The following TGM5 variants were observed in gnomAD, a reference collection of about 807,000 sequenced individuals.
The protein encoded by TGM5 is transglutaminase 5.
TGM5 carries 69 observed loss-of-function variants against 77.2 expected under a neutral mutation model. The ratio of observed to expected loss-of-function variants is 0.89; its 90% confidence interval spans 0.74 to 1.09. The LOEUF (loss-of-function observed/expected upper bound fraction) is 1.09, where lower values mean the gene tolerates loss of function less well. Among genes scored for constraint, TGM5 ranks in the 50% least tolerant of loss-of-function variants. The pLI, the probability that TGM5 is intolerant of heterozygous loss-of-function variation, is 0.00. For missense variants in TGM5, 842 were observed against 896.5 expected, an observed-to-expected ratio of 0.94 and a Z score of 0.78; for synonymous variants, 346 against 351.8, an observed-to-expected ratio of 0.98 and a Z score of 0.18.
In TGM5 at chr15:43,252,960, G is replaced by GCCA. The variant is rs750417036; in HGVS notation, c.685-25_685-24insTGG. 1.6e-5 allele frequency: 26 copies of GCCA among 1,610,552 alleles called. No homozygotes were observed. In the South Asian group the frequency reaches 2.4e-4, roughly 15 times the overall value. On this transcript the variant is annotated intron_variant, in intron 5 of 12. Transcript: ENST00000220420. ...ATCTGAAGAGAAGCCATATAGAGAA[G>GCCA]TGTTAGAAACATCCATTTCCTCAAC...
Position 43,235,581 on chromosome 15 carries a change from GGAGGACATGTT to G in TGM5, c.1591_1601del (p.Asn531ProfsTer36), listed in dbSNP as rs1196333274. The G allele has an allele frequency of 6.2e-7, 1 of 1,614,212 alleles. No homozygotes were observed. Among genetic ancestry groups the G allele is most frequent in the Non-Finnish European group, 8.5e-7 (1 of 1,180,050 alleles). On this transcript the variant is annotated frameshift_variant, in exon 10 of 13. Transcript: ENST00000220420. LOFTEE classifies it high-confidence loss of function. ...GGTTCACTTTGAGGTCCTTGAACTG[GGAGGACATGTT>G]GAGGGCCAGCAGGACAAAGCATATA...
At chr15:43,246,067 G>A (rs1044747640) in intron 6 of TGM5, among the ~76,000 whole-genome samples, 1 of 152,082 alleles carries the variant, frequency 6.6e-6, no homozygotes, top group African/African-American at 2.4e-5. Context: ...AAGACCTCTA[G>A]TCAAAATGTT....
chr15:43,240,785 T>G, intron 7 of TGM5, 67 bp downstream of exon 7: 1 of 1,607,090 alleles, frequency 6.2e-7, no homozygotes, highest in Non-Finnish European at 8.5e-7. Flanking sequence ...CGTTCTGCCC[T>G]TCCTCCTGCC....
At position 43,253,665 on chromosome 15, in the gene TGM5, C is replaced by T. The variant is rs201555624; in HGVS notation, c.556-31G>A. ...GGGGGAGAGGCAGAGAGGGAAGGCACCCATGCTTGTCACGTGGGAGTATGT... is the reference window on the plus strand; with the variant it reads ...GGGGGAGAGGCAGAGAGGGAAGGCATCCATGCTTGTCACGTGGGAGTATGT... On this transcript the variant is annotated intron_variant, in intron 4 of 12. Coordinates refer to ENST00000220420, the MANE Select transcript of TGM5 (RefSeq NM_201631.4). 4.4e-6 allele frequency: 7 copies of T among 1,609,022 alleles called. No individual in the cohort carries two copies. The African/African-American group carries it at 6.7e-5, about 15-fold the overall frequency.
intron 6 of TGM5, chr15:43,241,374 C>A: frequency 3.0e-6 from 1 of 335,948 alleles, no homozygotes; most frequent in Non-Finnish European, 5.8e-6. Flanking sequence ...GCTGGAATTC[C>A]ATTCCTTTCT....
chr15:43,239,070 G>T lies in TGM5; in HGVS notation c.1106-14C>A, dbSNP rs998876494. ...AGCAGTAGACGCCTGAAGGAGAACA[G>T]GGGAGCCTCGGTGGGCTGTTTGTTG... On this transcript the variant is annotated splice_polypyrimidine_tract_variant and intron_variant, in intron 8 of 12. Transcript: ENST00000220420. 1 of 1,614,138 alleles carries T rather than the reference G, an allele frequency of 6.2e-7. No individual in the cohort carries two copies. Among genetic ancestry groups the T allele is most frequent in the Non-Finnish European group, 8.5e-7 (1 of 1,180,020 alleles).
intron 4 of TGM5, among the ~76,000 whole-genome samples, chr15:43,254,499 G>A (rs576218909): frequency 1.3e-5 from 2 of 152,274 alleles, no homozygotes; most frequent in South Asian, 4.1e-4. Context: ...AGGACAGTCT[G>A]ATCAGCTCAC....
At chr15:43,239,553 G>A in intron 7 of TGM5, 1 of 460,610 alleles carries the variant, frequency 2.2e-6, no homozygotes, top group Non-Finnish European at 4.0e-6. Flanking sequence ...CATGGCACAT[G>A]CCTATAGTCC....
rs934549646 is a variant in TGM5, at chr15:43,239,259, G to A, written c.1009C>T (p.His337Tyr). 16 of 1,614,152 alleles carry A rather than the reference G, an allele frequency of 9.9e-6. No individual in the cohort carries two copies. In the African/African-American group the frequency reaches 2.0e-4, roughly 20 times the overall value. Residue 337 changes from histidine to tyrosine, a missense_variant, in exon 8 of 13, where the codon CAT becomes TAT. Physicochemically the swap from His to Tyr is moderately conservative, Grantham distance 83. This residue lies in a region of TGM5 where 815 missense variants were observed against 844.6 expected (regional missense o/e 0.96). Coordinates refer to ENST00000220420, the MANE Select transcript of TGM5 (RefSeq NM_201631.4). The stretch of plus-strand genomic sequence containing the variant: ...GCCATCCAGCACTCATTCCAGACAT[G>A]GAAGTTCCTGTGTCAAACAGAGCCA... ...NKKKDTIWNF[H>Y]VWNECWMARK... is the part of the protein sequence containing the mutation.
chr15:43,250,520 G>A (rs1227546421), intron 6 of TGM5, among the ~76,000 whole-genome samples: 1 of 152,182 alleles, frequency 6.6e-6, no homozygotes, highest in South Asian at 2.1e-4. Context: ...ACAGTGCCTG[G>A]CACAAAGGAA....
chr15:43,238,905 G>T lies in TGM5; in HGVS notation c.1257C>A (p.Asp419Glu). The change falls in exon 9 of 13, where the codon GAC becomes GAA. Residue 419 changes from aspartate (D) to glutamate (E), a missense_variant. By Grantham distance (45) the Asp-to-Glu change is conservative (BLOSUM62 2). This residue lies in a region of TGM5 where 815 missense variants were observed against 844.6 expected (regional missense o/e 0.96). Transcript: ENST00000220420. ...TGATAAAATTGCCAACAGAACTCGT[G>T]TCCTGGTGAAGCTTCTGCTCCTTCC... Reference protein sequence around the residue: ...QGGKEQKLHQDTSSVGNFIST... With the variant: ...QGGKEQKLHQETSSVGNFIST... The T allele has an allele frequency of 1.9e-6, 3 of 1,614,194 alleles. No homozygotes were observed. Among genetic ancestry groups the T allele is most frequent in the Non-Finnish European group, 2.5e-6 (3 of 1,180,026 alleles).
rs1431614945 is a variant in TGM5 at position 43,233,107 on chromosome 15, G to T, written c.*84C>A. On this transcript the variant is annotated 3_prime_UTR_variant, in exon 13 of 13. Coordinates refer to ENST00000220420, the MANE Select transcript of TGM5 (RefSeq NM_201631.4). The stretch of plus-strand genomic sequence containing the variant: ...TGGAGCCCTGTGAAGCCTCTGTTGT[G>T]GTGGGGAATGGCGCAGCTTGCATTT... The T allele has an allele frequency of 1.4e-5, 22 of 1,545,278 alleles. No homozygotes were observed. In the East Asian group the frequency reaches 3.4e-4, roughly 24 times the overall value.
chr15:43,252,691 G>T (rs1596447876), intron 6 of TGM5, 68 bp downstream of exon 6: 2 of 1,573,910 alleles, frequency 1.3e-6, no homozygotes, highest in East Asian at 2.2e-5. Flanking sequence ...GGATGGGAAT[G>T]GTTCAGAAGG....
rs193151193 is a variant in TGM5, at chr15:43,264,149, A to G, written c.10+2691T>C. On this transcript the variant is annotated intron_variant, in intron 1 of 12. Coordinates refer to ENST00000220420, the MANE Select transcript of TGM5 (RefSeq NM_201631.4). ...GACTATAATAACAAGTGTTAGTGGG[A>G]ATGCAGAGAAATTGGAATCCTCATA... Among the ~76,000 whole-genome samples, 845 of 152,288 alleles carry G rather than the reference A, an allele frequency of 5.5e-3. 5 individuals carry two copies. The highest frequency in any genetic ancestry group is 8.6e-3 in the Non-Finnish European group (586 of 67,994).
intron 6 of TGM5, among the ~76,000 whole-genome samples, chr15:43,247,337 A>C (rs1330986577): frequency 6.6e-6 from 1 of 152,172 alleles, no homozygotes; most frequent in Admixed American, 6.5e-5. Flanking sequence ...ACCCATAGCC[A>C]GTAGAAAAAT....
At chr15:43,252,198 C>T (rs1487609468) in intron 6 of TGM5, among the ~76,000 whole-genome samples, 1 of 152,236 alleles carries the variant, frequency 6.6e-6, no homozygotes, top group Non-Finnish European at 1.5e-5. Flanking sequence ...GGTAAGTTGC[C>T]TAAGCTTAGA....
At chr15:43,238,145 G>A (rs899423818) in intron 9 of TGM5, among the ~76,000 whole-genome samples, 3 of 152,064 alleles carry the variant, frequency 2.0e-5, no homozygotes, top group South Asian at 2.1e-4. Context: ...CCTCCCCACC[G>A]CCCTTCAGCC....
chr15:43,233,495 G>T, intron 12 of TGM5, 59 bp downstream of exon 12: 1 of 1,613,680 alleles, frequency 6.2e-7, no homozygotes, highest in South Asian at 1.1e-5. Context: ...TGTTCAGGAA[G>T]GATAGTGCTA....
At chr15:43,258,330 C>A (rs1019517138) in intron 3 of TGM5, among the ~76,000 whole-genome samples, 1 of 151,908 alleles carries the variant, frequency 6.6e-6, no homozygotes, top group Non-Finnish European at 1.5e-5. Flanking sequence ...TCAAACCAAA[C>A]CTCTGTGGTG....
Sources: gnomAD v4.1 joint callset for allele counts (sites outside exome capture counted in the v4.1 genomes callset) on GRCh38, gnomAD v4.1.1 for gene constraint, gnomAD v4.1.1 regional missense constraint, MANE v1.5 for transcripts, NCBI Gene and HGNC (gene_info 2026-07-23, HGNC 2026-07-21) for gene names.